Variants in KIF1C observed in about 807,000 individuals in gnomAD.
KIF1C encodes the protein kinesin family member 1C.
A neutral mutation model predicts 126.5 loss-of-function variants in KIF1C; 61 were observed. That is an observed-to-expected ratio of 0.48 (90% CI 0.39 to 0.60). The LOEUF is 0.60. KIF1C is among the 20% of genes least tolerant of loss of function. KIF1C has a pLI of 0.00. For missense variants in KIF1C, 1,315 were observed against 1,489.2 expected (o/e 0.88, Z 1.93); for synonymous variants, 640 against 580.6 (o/e 1.10, Z -1.47).
In KIF1C at chr17:5,023,994, A is replaced by C. The variant is rs760414992; in HGVS notation, c.3155A>C (p.His1052Pro). 6.3e-7 allele frequency: 1 copy of C among 1,598,708 alleles called. No individual in the cohort carries two copies. The highest frequency in any genetic ancestry group is 1.1e-5 in the South Asian group (1 of 89,212). ...GGTTCTGCACAGCCTGAACCCCAGCACTTCCAGCCCAAAAAGCACAACTCT... is the reference window on the plus strand; with the variant it reads ...GGTTCTGCACAGCCTGAACCCCAGCCCTTCCAGCCCAAAAAGCACAACTCT... ...GAGSAQPEPQHFQPKKHNSYP... is the reference protein window; with the variant it reads ...GAGSAQPEPQPFQPKKHNSYP... The change falls in exon 23 of 23, where the codon CAC becomes CCC. Residue 1052 changes from histidine to proline, a missense_variant. His to Pro is a moderately conservative substitution (Grantham distance 77). Around this residue, in one of 2 missense-constraint regions of KIF1C, gnomAD observed 441 missense variants for 436.1 expected, o/e 1.01. Coordinates refer to ENST00000320785, the MANE Select transcript of KIF1C (RefSeq NM_006612.6). The surrounding 1 kb of genome is among the most constrained non-coding windows in gnomAD (Gnocchi z 4.2).
chr17:5,023,868 C>T lies in KIF1C; in HGVS notation c.3029C>T (p.Thr1010Ile). The change falls in exon 23 of 23, where the codon ACT (threonine) becomes ATT (isoleucine). Residue 1010 changes from threonine to isoleucine, a missense_variant. Coordinates refer to ENST00000320785, the MANE Select transcript of KIF1C (RefSeq NM_006612.6). The surrounding 1 kb of genome is among the most constrained non-coding windows in gnomAD (Gnocchi z 4.2). ...CCGCTCCAACCCCCTGAGGAGGTCA[C>T]TCCCCATCCAGCCACCCCTGCCCGC... is the stretch of plus-strand genomic sequence containing the variant. Reference protein sequence around the residue: ...PTPLQPPEEVTPHPATPARRP... With the variant: ...PTPLQPPEEVIPHPATPARRP... The T allele has an allele frequency of 2.0e-6, 3 of 1,530,842 alleles. No individual in the cohort carries two copies. The highest frequency in any genetic ancestry group is 2.6e-6 in the Non-Finnish European group (3 of 1,138,622). The allele number at this position is 1,530,842 out of a possible 1,614,324, so 94.8% of individuals were successfully genotyped here.
intron 18 of KIF1C, 89 bp downstream of exon 18, chr17:5,014,926 AC>A: frequency 9.3e-7 from 1 of 1,076,692 alleles, no homozygotes; most frequent in Non-Finnish European, 1.4e-6. Context: ...TGGGTTGGGC[AC>A]CAGGGAGTGC....
At position 5,002,856 on chromosome 17, in the gene KIF1C, C is replaced by G. The variant is rs761667185; in HGVS notation, c.720+14C>G. 6.3e-6 allele frequency: 10 copies of G among 1,579,024 alleles called. No homozygotes were observed. In the Admixed American group the frequency reaches 8.4e-5, roughly 13 times the overall value. Reference sequence around the variant, plus strand: ...GACTCGGAGAAGGTGGGATCGCCCCCCCCCCCACTCCCCCACCGGATGCAA... The same window carrying G: ...GACTCGGAGAAGGTGGGATCGCCCCGCCCCCCACTCCCCCACCGGATGCAA... On this transcript the variant is annotated intron_variant, in intron 8 of 22. Transcript: ENST00000320785.
chr17:5,013,281 T>G (rs1974905371), intron 16 of KIF1C, among the ~76,000 whole-genome samples: 1 of 151,990 alleles, frequency 6.6e-6, no homozygotes, highest in Non-Finnish European at 1.5e-5. Flanking sequence ...AAGAAGAGAA[T>G]GCAGGGGGTC....
intron 8 of KIF1C, 151 bp downstream of exon 8, chr17:5,002,993 T>C: frequency 1.6e-6 from 1 of 608,072 alleles, no homozygotes; most frequent in African/African-American, 1.8e-5. Flanking sequence ...ACCCCTACCC[T>C]GTTTTTCCGT....
chr17:5,013,559 G>A, intron 16 of KIF1C, 94 bp from the exon 17 acceptor site: 1 of 856,714 alleles, frequency 1.2e-6, no homozygotes, highest in Non-Finnish European at 2.0e-6. Flanking sequence ...GGCAGTGCCA[G>A]GACTGGAGGG....
Position 5,007,310 on chromosome 17 carries a change from G to A in KIF1C, c.1383G>A (p.Lys461=), listed in dbSNP as rs1974758789. 1.2e-6 allele frequency: 2 copies of A among 1,613,210 alleles called. No individual in the cohort carries two copies. The highest frequency in any genetic ancestry group is 2.2e-5 in the East Asian group (1 of 44,864). The change falls in exon 15 of 23, where the codon AAG becomes AAA. Residue 461 remains lysine, a synonymous_variant. Transcript: ENST00000320785. The part of the protein sequence containing the change: ...IAELNETWEE[K]LRKTEALRME... ...AGCTGAACGAGACATGGGAGGAGAA[G>A]CTACGCAAGACAGAAGCCCTGAGGA...
At chr17:5,007,994 G>C (rs1974774471) in intron 16 of KIF1C, among the ~76,000 whole-genome samples, 1 of 152,170 alleles carries the variant, frequency 6.6e-6, no homozygotes, top group Admixed American at 6.6e-5. Context: ...GTGTAGCTTG[G>C]AGCTATGCTG....
At chr17:5,009,344 T>G (rs1400345666) in intron 16 of KIF1C, among the ~76,000 whole-genome samples, 1 of 151,976 alleles carries the variant, frequency 6.6e-6, no homozygotes, top group Admixed American at 6.5e-5. Context: ...CACACCCGGC[T>G]AATATTTTGT....
Position 5,013,743 on chromosome 17 carries a change from C to A in KIF1C, c.1571+11C>A. 1.2e-6 allele frequency: 2 copies of A among 1,609,752 alleles called. No homozygotes were observed. The highest frequency in any genetic ancestry group is 1.7e-6 in the Non-Finnish European group (2 of 1,176,422). Reference sequence around the variant, plus strand: ...AGATGGCGTCACCAGGTAGCGTGTACCCAGCGGCCTGGGGGGCAGCCTCTG... The same window carrying A: ...AGATGGCGTCACCAGGTAGCGTGTAACCAGCGGCCTGGGGGGCAGCCTCTG... On this transcript the variant is annotated intron_variant, in intron 17 of 22. Transcript: ENST00000320785.
At chr17:5,016,978 G>A (rs915353176) in intron 18 of KIF1C, among the ~76,000 whole-genome samples, 1 of 151,894 alleles carries the variant, frequency 6.6e-6, no homozygotes, top group Non-Finnish European at 1.5e-5. Context: ...CAGTTGTTCT[G>A]GTCTGGTTCA....
intron 18 of KIF1C, among the ~76,000 whole-genome samples, chr17:5,018,642 C>G (rs1245183687): frequency 6.6e-6 from 1 of 151,428 alleles, no homozygotes; most frequent in South Asian, 2.1e-4. Context: ...GAGCTGAGAT[C>G]GCACCATTGC....
intron 16 of KIF1C, 152 bp downstream of exon 16, chr17:5,007,694 T>A (rs1429180213): frequency 7.3e-6 from 4 of 545,636 alleles, no homozygotes; most frequent in African/African-American, 1.9e-5. Flanking sequence ...CCCTGCCACC[T>A]CCTCTCCGTC....
chr17:5,002,086 A>G lies in KIF1C; in HGVS notation c.391A>G (p.Ser131Gly). 1 of 1,614,036 alleles carries G rather than the reference A, an allele frequency of 6.2e-7. No homozygotes were observed. The highest frequency in any genetic ancestry group is 1.7e-5 in the Admixed American group (1 of 60,022). The change falls in exon 6 of 23, where the codon AGT (serine) becomes GGT (glycine). Residue 131 changes from serine to glycine, a missense_variant. Ser to Gly is a moderately conservative substitution (Grantham distance 56). Transcript: ENST00000320785. Reference sequence around the variant, plus strand: ...CTGTGAGGACCTCTTCTCTCGCGTTAGTGAGAACCAGAGTGCTCAGCTATC... The same window carrying G: ...CTGTGAGGACCTCTTCTCTCGCGTTGGTGAGAACCAGAGTGCTCAGCTATC... ...QLCEDLFSRV[S>G]ENQSAQLSYS...
chr17:5,023,400 G>A lies in KIF1C; in HGVS notation c.2629-68G>A. On this transcript the variant is annotated intron_variant, in intron 22 of 22. Transcript: ENST00000320785. This position sits in a 1 kb window ranked among gnomAD's most constrained non-coding sequence, Gnocchi z 4.2. The stretch of plus-strand genomic sequence containing the variant: ...CATCCAGCCACTCCAGGTCCCTCTT[G>A]AATCCACATGTCCTGAGGATTCAGC... 1 of 1,356,398 alleles carries A rather than the reference G, an allele frequency of 7.4e-7. No individual in the cohort carries two copies. The allele number at this position is 1,356,398 out of a possible 1,614,324, so 84.0% of individuals were successfully genotyped here.
At position 5,023,938 on chromosome 17, in the gene KIF1C, C is replaced by T; in HGVS notation, c.3099C>T (p.Ser1033=). Residue 1033 remains serine (S), a synonymous_variant, in exon 23 of 23, where the codon TCC becomes TCT. Coordinates refer to ENST00000320785, the MANE Select transcript of KIF1C (RefSeq NM_006612.6). The surrounding 1 kb of genome is among the most constrained non-coding windows in gnomAD (Gnocchi z 4.2). ...GGTCCCACCATCCCCGCAGGAACTCCCTGGATGGAGGGGGCCGATCCCGGG... is the reference window on the plus strand; with the variant it reads ...GGTCCCACCATCCCCGCAGGAACTCTCTGGATGGAGGGGGCCGATCCCGGG... ...PRRSHHPRRN[S]LDGGGRSRGA... 1 of 1,573,950 alleles carries T rather than the reference C, an allele frequency of 6.4e-7. No homozygotes were observed. Among genetic ancestry groups the T allele is most frequent in the South Asian group, 1.2e-5 (1 of 85,694 alleles).
In KIF1C at chr17:5,013,682, C is replaced by T; in HGVS notation, c.1521C>T (p.Asp507=). The T allele has an allele frequency of 1.9e-6, 3 of 1,613,786 alleles. No individual in the cohort carries two copies. The highest frequency in any genetic ancestry group is 2.5e-6 in the Non-Finnish European group (3 of 1,179,734). Residue 507 remains aspartate (D), a synonymous_variant, in exon 17 of 23, where the codon GAC becomes GAT. Coordinates refer to ENST00000320785, the MANE Select transcript of KIF1C (RefSeq NM_006612.6). ...KTPHLVNLNE[D]PLMSECLLYH... is the part of the protein sequence containing the mutation. ...CCCACCTGGTGAACCTGAACGAAGA[C>T]CCTCTGATGTCTGAGTGTCTGCTCT...
At position 5,023,925 on chromosome 17, in the gene KIF1C, C is replaced by T. The variant is rs755562244; in HGVS notation, c.3086C>T (p.Pro1029Leu). The T allele has an allele frequency of 5.9e-5, 93 of 1,568,166 alleles. No homozygotes were observed. Among genetic ancestry groups the T allele is most frequent in the Non-Finnish European group, 7.0e-5 (81 of 1,156,670 alleles). ...CCGAGTCCCCGAAGGTCCCACCATC[C>T]CCGCAGGAACTCCCTGGATGGAGGG... ...RPPSPRRSHH[P>L]RRNSLDGGGR... The change falls in exon 23 of 23, where the codon CCC (proline) becomes CTC (leucine). Residue 1029 changes from proline (P) to leucine (L), a missense_variant. By Grantham distance (98) the Pro-to-Leu change is moderately conservative. Coordinates refer to ENST00000320785, the MANE Select transcript of KIF1C (RefSeq NM_006612.6). The surrounding 1 kb of genome is among the most constrained non-coding windows in gnomAD (Gnocchi z 4.2).
chr17:5,000,473 C>T (rs1041350713), intron 3 of KIF1C, 121 bp downstream of exon 3: 32 of 746,106 alleles, frequency 4.3e-5, no homozygotes, highest in African/African-American at 3.5e-4. Context: ...AGGTGCTAGT[C>T]GTAAGGGCGG....
Sources: allele counts gnomAD v4.1 joint callset (sites outside exome capture counted in the v4.1 genomes callset), GRCh38; gene constraint gnomAD v4.1.1; regional missense constraint gnomAD v4.1.1; non-coding constraint Gnocchi (gnomAD v3.1); transcripts MANE v1.5; gene names NCBI Gene and HGNC (gene_info 2026-07-23, HGNC 2026-07-21).